Variants in FANCA observed in about 807,000 individuals in gnomAD.
FANCA encodes the protein Fanconi anemia group A protein.
A neutral mutation model predicts 194.3 loss-of-function variants in FANCA; 236 were observed. That is an observed-to-expected ratio of 1.21 (90% CI 1.09 to 1.35). The LOEUF (loss-of-function observed/expected upper bound fraction) is 1.35, where lower values mean the gene tolerates loss of function less well. Among genes scored for constraint, FANCA ranks in the 40% most tolerant of loss-of-function variants. The pLI, the probability that FANCA is intolerant of heterozygous loss-of-function variation, is 0.00. For synonymous variants in FANCA, 1,014 were observed against 715.8 expected (o/e 1.42, Z -6.65); for missense variants, 2,628 against 1,813.9 (o/e 1.45, Z -8.15).
intron 27 of FANCA, 128 bp from the exon 28 acceptor site, chr16:89,765,194 G>A: frequency 2.6e-6 from 3 of 1,142,784 alleles, no homozygotes. Flanking sequence ...GAGGACCTCA[G>A]TCCAGCCCCT....
chr16:89,750,790 A>T (rs2038561250), intron 31 of FANCA, among the ~76,000 whole-genome samples: 1 of 150,794 alleles, frequency 6.6e-6, no homozygotes, highest in Non-Finnish European at 1.5e-5. Flanking sequence ...AAAACAAAAC[A>T]ACAACAAAAA....
chr16:89,795,571 G>A (rs952600026), intron 11 of FANCA, among the ~76,000 whole-genome samples: 4 of 152,212 alleles, frequency 2.6e-5, no homozygotes, highest in Non-Finnish European at 5.9e-5. Context: ...CTGGGAGGCA[G>A]AGGTTGCAGT....
At chr16:89,739,365 A>G in intron 40 of FANCA, 76 bp from the exon 41 acceptor site, 1 of 1,586,534 alleles carries the variant, frequency 6.3e-7, no homozygotes, top group Admixed American at 1.7e-5. Context: ...GATACTGCTC[A>G]TCTGTGGAGC....
intron 30 of FANCA, among the ~76,000 whole-genome samples, chr16:89,753,515 G>C (rs769592910): frequency 1.3e-5 from 2 of 152,078 alleles, no homozygotes; most frequent in Non-Finnish European, 2.9e-5. Flanking sequence ...AAAATAAAAA[G>C]CAAAAACCGT....
At position 89,791,019 on chromosome 16, in the gene FANCA, GTGTGT is replaced by G. The variant is rs1284293083; in HGVS notation, c.1359+379_1359+383del. Reference sequence around the variant, plus strand: ...TAGTTTTTGTTTTGTGTGTGTGTGTGTGTGTTTTTTTTTTTTTTTTTTTTTTTTTG... The same window carrying G: ...TAGTTTTTGTTTTGTGTGTGTGTGTGTTTTTTTTTTTTTTTTTTTTTTTTG... On this transcript the variant is annotated intron_variant, in intron 14 of 42. Coordinates refer to ENST00000389301, the MANE Select transcript of FANCA (RefSeq NM_000135.4). The G allele has an allele frequency of 1.7e-4, 44 of 252,350 alleles. No homozygotes were observed. In the East Asian group the frequency reaches 2.8e-3, roughly 16 times the overall value. 15.6% of individuals were successfully genotyped at this position (252,350 alleles called of 1,614,324 possible).
intron 5 of FANCA, among the ~76,000 whole-genome samples, chr16:89,808,953 T>G (rs1567651657): frequency 2.0e-5 from 3 of 151,926 alleles, no homozygotes; most frequent in African/African-American, 7.2e-5. Flanking sequence ...TCACCCAGGC[T>G]GGAGTGCAGT....
intron 29 of FANCA, among the ~76,000 whole-genome samples, chr16:89,760,167 G>A (rs2143242760): frequency 6.6e-6 from 1 of 152,362 alleles, no homozygotes; most frequent in Middle Eastern, 3.4e-3. Context: ...ACCTCATGCA[G>A]CAGACAAGCC....
At chr16:89,791,023 G>GT (rs11355118) in intron 14 of FANCA, 2,444 of 94,784 alleles carry the variant, frequency 0.026, 64 homozygotes, top group Non-Finnish European at 0.037. Context: ...GTGTGTGTGT[G>GT]TTTTTTTTTT....
chr16:89,806,203 G>C (rs893295931), intron 6 of FANCA, among the ~76,000 whole-genome samples: 1 of 152,030 alleles, frequency 6.6e-6, no homozygotes, highest in East Asian at 1.9e-4. Context: ...GTGAGCCACC[G>C]CACCTGGCCT....
At chr16:89,812,670 A>AAAC (rs1567655807) in intron 3 of FANCA, among the ~76,000 whole-genome samples, 5 of 148,914 alleles carry the variant, frequency 3.4e-5, no homozygotes, top group African/African-American at 1.3e-4. Flanking sequence ...AAAAAAAAAA[A>AAAC]CTGTTAACTG....
intron 41 of FANCA, 39 bp downstream of exon 41, chr16:89,739,094 G>A (rs751344774): frequency 1.2e-6 from 2 of 1,613,934 alleles, no homozygotes; most frequent in Non-Finnish European, 1.7e-6. Context: ...TCCGGCTGGG[G>A]GGAGCTCCCC....
At chr16:89,808,172 G>C in intron 6 of FANCA, 122 bp downstream of exon 6, 1 of 874,902 alleles carries the variant, frequency 1.1e-6, no homozygotes, top group Non-Finnish European at 2.0e-6. Flanking sequence ...ATGCAATCTA[G>C]TCTAGTACAA....
chr16:89,753,178 G>A (rs192440159), intron 30 of FANCA, among the ~76,000 whole-genome samples: 148 of 152,332 alleles, frequency 9.7e-4, no homozygotes, highest in African/African-American at 3.3e-3. Context: ...TCAGCTGCCA[G>A]GCAGGGACGG....
At chr16:89,780,074 G>A (rs770416263) in intron 17 of FANCA, 117 bp from the exon 18 acceptor site, 1 of 931,938 alleles carries the variant, frequency 1.1e-6, no homozygotes. Context: ...ACACATTAAA[G>A]GTAAAGGCCC....
In FANCA at chr16:89,769,864, G is replaced by T. The variant is rs765888048; in HGVS notation, c.2477C>A (p.Thr826Lys). The T allele has an allele frequency of 1.9e-6, 3 of 1,613,982 alleles. No individual in the cohort carries two copies. Among genetic ancestry groups the T allele is most frequent in the Non-Finnish European group, 2.5e-6 (3 of 1,180,032 alleles). Residue 826 changes from threonine to lysine, a missense_variant, in exon 26 of 43, where the codon ACG becomes AAG. Physicochemically the swap from Thr to Lys is moderately conservative, Grantham distance 78. Transcript: ENST00000389301. Reference sequence around the variant, plus strand: ...CAGGCAGAAGAACAAGGAATCCCTCGTCCTACAGGTCAGGAGGCTGTCAAA... The same window carrying T: ...CAGGCAGAAGAACAAGGAATCCCTCTTCCTACAGGTCAGGAGGCTGTCAAA... ...ALFDSLLTCR[T>K]RDSLFFCLKF...
intron 31 of FANCA, among the ~76,000 whole-genome samples, chr16:89,750,633 T>A (rs1278116785): frequency 6.6e-6 from 1 of 150,782 alleles, no homozygotes; most frequent in Non-Finnish European, 1.5e-5. Flanking sequence ...ATTAGCTGGG[T>A]GTGGTGGCAG....
intron 2 of FANCA, among the ~76,000 whole-genome samples, chr16:89,815,308 A>AT (rs2041061880): frequency 7.7e-6 from 1 of 129,626 alleles, no homozygotes; most frequent in African/African-American, 2.8e-5. Flanking sequence ...AAGGGCTAGG[A>AT]TTACAGGCGT....
At chr16:89,778,485 ACTT>A in intron 20 of FANCA, 2 of 306,100 alleles carry the variant, frequency 6.5e-6, no homozygotes, top group Non-Finnish European at 5.9e-6. Context: ...AAAAAAAAAA[ACTT>A]AGCCAGGCAC....
At chr16:89,810,666 C>T (rs746527044) in intron 5 of FANCA, 41 bp downstream of exon 5, 1 of 1,293,706 alleles carries the variant, frequency 7.7e-7, no homozygotes. Flanking sequence ...CAGAACATTG[C>T]CTGGAACACT....
Sources: gnomAD v4.1 joint callset for allele counts (sites outside exome capture counted in the v4.1 genomes callset) on GRCh38, gnomAD v4.1.1 for gene constraint, MANE v1.5 for transcripts, NCBI Gene and HGNC (gene_info 2026-07-23, HGNC 2026-07-21) for gene names.